The following STPG4 variants were observed in gnomAD, a reference collection of about 807,000 sequenced individuals.
STPG4 encodes the protein protein STPG4.
STPG4 carries 41 observed loss-of-function variants against 31.5 expected under a neutral mutation model. The observed-to-expected ratio is 1.30, with a 90% CI of 1.01 to 1.69. The LOEUF (loss-of-function observed/expected upper bound fraction) is 1.69, where lower values mean the gene tolerates loss of function less well. Among genes scored for constraint, STPG4 ranks in the 40% most tolerant of loss-of-function variants. STPG4 has a pLI of 0.00. For missense variants in STPG4, 375 were observed against 293.4 expected (o/e 1.28, Z -2.03); for synonymous variants, 141 against 103.0 (o/e 1.37, Z -2.24).
chr2:47,096,319 G>A (rs1312977781), intron 5 of STPG4, among the ~76,000 whole-genome samples: 3 of 152,186 alleles, frequency 2.0e-5, no homozygotes, highest in Admixed American at 6.5e-5. Flanking sequence ...CGCCTCTCAA[G>A]GAAGTACATT....
intron 5 of STPG4, among the ~76,000 whole-genome samples, chr2:47,116,193 A>G (rs1573170016): frequency 6.6e-6 from 1 of 152,170 alleles, no homozygotes; most frequent in East Asian, 1.9e-4. Context: ...CCCCTCCAAA[A>G]TTCAGGCATT....
At chr2:47,104,953 T>C (rs908129406) in intron 5 of STPG4, among the ~76,000 whole-genome samples, 1 of 151,504 alleles carries the variant, frequency 6.6e-6, no homozygotes, top group Non-Finnish European at 1.5e-5. Context: ...GTTGAGGGGG[T>C]TCCTTGGAAT....
rs755897433 is a variant in STPG4 at position 47,151,390 on chromosome 2, G to GT, written c.266dup (p.Asn89LysfsTer7). 3 of 1,614,216 alleles carry GT rather than the reference G, an allele frequency of 1.9e-6. No homozygotes were observed. Among genetic ancestry groups the GT allele is most frequent in the Admixed American group, 3.3e-5 (2 of 60,026 alleles). On this transcript the variant is annotated frameshift_variant, in exon 3 of 7. Transcript: ENST00000445927. LOFTEE classifies it high-confidence loss of function. ...GCGGAAGATCATTTAGGACTGGATT[G>GT]TTTCTTTGCACAAGAGGTGGCTTTT...
At chr2:47,143,712 T>C (rs1686762700) in intron 3 of STPG4, among the ~76,000 whole-genome samples, 1 of 151,770 alleles carries the variant, frequency 6.6e-6, no homozygotes, top group Admixed American at 6.6e-5. Flanking sequence ...ATGGTCTCGA[T>C]CTCCTGACCT....
chr2:47,101,496 C>T lies in STPG4; in HGVS notation c.520-11122G>A, dbSNP rs561612061. 2.0e-5 allele frequency among the ~76,000 whole-genome samples: 3 copies of T among 151,944 alleles called. No individual in the cohort carries two copies. In the South Asian group the frequency reaches 6.3e-4, roughly 32 times the overall value. ...CTAAGGCCTGCCACACAAACTTCCT[C>T]TCACCTCTCTTCTCTGAGGTTAGTC... On this transcript the variant is annotated intron_variant, in intron 5 of 6. Coordinates refer to ENST00000445927, the MANE Select transcript of STPG4 (RefSeq NM_001163561.2).
chr2:47,149,843 A>G (rs1686901285), intron 3 of STPG4, among the ~76,000 whole-genome samples: 1 of 152,206 alleles, frequency 6.6e-6, no homozygotes, highest in South Asian at 2.1e-4. Flanking sequence ...TTATCCCTTG[A>G]ACAGACCACG....
intron 5 of STPG4, among the ~76,000 whole-genome samples, chr2:47,099,319 G>T: frequency 6.6e-6 from 1 of 152,248 alleles, no homozygotes; most frequent in African/African-American, 2.4e-5. Context: ...GCTGGCAACT[G>T]CCCTGAACCC....
At chr2:47,120,527 A>C (rs1469055853) in intron 5 of STPG4, among the ~76,000 whole-genome samples, 1 of 151,728 alleles carries the variant, frequency 6.6e-6, no homozygotes, top group Non-Finnish European at 1.5e-5. Flanking sequence ...AGATCACGCC[A>C]CTGCACTCCA....
At chr2:47,108,799 T>A (rs1685977407) in intron 5 of STPG4, 1 of 152,302 alleles carries the variant, frequency 6.6e-6, no homozygotes, top group Non-Finnish European at 1.5e-5. Context: ...GGATCCCCTG[T>A]TCCTGATTAC....
chr2:47,126,708 T>C (rs994231150), intron 5 of STPG4, among the ~76,000 whole-genome samples: 6 of 152,190 alleles, frequency 3.9e-5, no homozygotes, highest in Non-Finnish European at 7.4e-5. Flanking sequence ...GTAGGACAGG[T>C]CTGGTGTTGA....
intron 5 of STPG4, among the ~76,000 whole-genome samples, chr2:47,116,894 T>C (rs539442259): frequency 1.3e-5 from 2 of 152,180 alleles, no homozygotes; most frequent in Admixed American, 1.3e-4. Flanking sequence ...GTTTCAGGCA[T>C]TGCTGCAGTG....
chr2:47,091,793 C>T (rs1685574205), intron 5 of STPG4, among the ~76,000 whole-genome samples: 1 of 152,120 alleles, frequency 6.6e-6, no homozygotes, highest in African/African-American at 2.4e-5. Context: ...CCAGCAATTC[C>T]AGTTTTAGGC....
At chr2:47,098,317 C>T (rs1404520776) in intron 5 of STPG4, among the ~76,000 whole-genome samples, 1 of 152,204 alleles carries the variant, frequency 6.6e-6, no homozygotes, top group East Asian at 1.9e-4. Flanking sequence ...TTCTTTCATA[C>T]ACCTACTTTC....
chr2:47,124,761 T>C (rs1465664535), intron 5 of STPG4, among the ~76,000 whole-genome samples: 1 of 152,206 alleles, frequency 6.6e-6, no homozygotes, highest in Non-Finnish European at 1.5e-5. Flanking sequence ...AATATACTGA[T>C]TTCTTTTCTT....
chr2:47,131,655 A>T (rs984240767), intron 3 of STPG4, among the ~76,000 whole-genome samples: 25 of 152,184 alleles, frequency 1.6e-4, no homozygotes, highest in Admixed American at 6.5e-5. Flanking sequence ...ATTAAATCCA[A>T]CTGGGTGACC....
chr2:47,090,792 TA>T (rs1470909162), intron 5 of STPG4, among the ~76,000 whole-genome samples: 1 of 152,258 alleles, frequency 6.6e-6, no homozygotes, highest in Admixed American at 6.5e-5. Context: ...TTCTTTCATA[TA>T]AATGTCATAT....
chr2:47,129,889 C>T (rs779640637), intron 5 of STPG4, 52 bp downstream of exon 5: 8 of 1,596,048 alleles, frequency 5.0e-6, no homozygotes, highest in East Asian at 2.2e-5. Flanking sequence ...GAAAGCACAG[C>T]GTATTTTAAA....
At chr2:47,094,979 G>A (rs1558669449) in intron 5 of STPG4, among the ~76,000 whole-genome samples, 2 of 152,138 alleles carry the variant, frequency 1.3e-5, no homozygotes, top group South Asian at 2.1e-4. Context: ...ACACTCCTCT[G>A]GAGTGAAGAC....
intron 5 of STPG4, among the ~76,000 whole-genome samples, chr2:47,110,731 T>C (rs1686016647): frequency 6.6e-6 from 1 of 152,240 alleles, no homozygotes; most frequent in Non-Finnish European, 1.5e-5. Context: ...ATACACATGA[T>C]TTTTCTGACA....
Sources: allele counts gnomAD v4.1 joint callset (sites outside exome capture counted in the v4.1 genomes callset), GRCh38; gene constraint gnomAD v4.1.1; transcripts MANE v1.5; gene names NCBI Gene and HGNC (gene_info 2026-07-23, HGNC 2026-07-21).